The following SECISBP2 variants were observed in gnomAD, a reference collection of about 807,000 sequenced individuals.
The protein encoded by SECISBP2 is selenocysteine insertion sequence-binding protein 2.
In SECISBP2, 96 loss-of-function variants were observed where a neutral mutation model predicts 98.2. The ratio of observed to expected loss-of-function variants is 0.98; its 90% CI spans 0.83 to 1.16. The LOEUF (loss-of-function observed/expected upper bound fraction) is 1.16. Among genes scored for constraint, SECISBP2 ranks in the 50% most tolerant of loss-of-function variants. The probability of loss-of-function intolerance (pLI) is 0.00; values close to 1 mark genes in which losing one functional copy is unlikely to be tolerated. For synonymous variants in SECISBP2, 407 were observed against 370.2 expected (o/e 1.10, Z -1.14); for missense variants, 1,046 against 1,022.9 (o/e 1.02, Z -0.31).
At chr9:89,325,798 T>TA (rs1285962972) in intron 3 of SECISBP2, 99 bp from the exon 4 acceptor site, 7 of 1,590,532 alleles carry the variant, frequency 4.4e-6, no homozygotes, top group South Asian at 3.4e-5. Flanking sequence ...TTTAACCTTT[T>TA]AAAAAATGAT....
At chr9:89,349,991 C>A in intron 13 of SECISBP2, 62 bp downstream of exon 13, 1 of 1,575,472 alleles carries the variant, frequency 6.3e-7, no homozygotes, top group Non-Finnish European at 8.7e-7. Flanking sequence ...TTCAGTATGG[C>A]ATTGATATCT....
In SECISBP2 at chr9:89,325,955, C is replaced by T; in HGVS notation, c.491C>T (p.Ala164Val). The T allele has an allele frequency of 6.2e-7, 1 of 1,613,962 alleles. No homozygotes were observed. The highest frequency in any genetic ancestry group is 1.3e-5 in the African/African-American group (1 of 75,042). The change falls in exon 4 of 17, where the codon GCT becomes GTT. Residue 164 changes from alanine (A) to valine (V), a missense_variant. Ala to Val is a moderately conservative substitution (Grantham distance 64). Coordinates refer to ENST00000375807, the MANE Select transcript of SECISBP2 (RefSeq NM_024077.5). Reference sequence around the variant, plus strand: ...CAGCAAAAGTTTGACAGTGAAAGGGCTGATGGAACTATATCATCTGAGATA... The same window carrying T: ...CAGCAAAAGTTTGACAGTGAAAGGGTTGATGGAACTATATCATCTGAGATA... The part of the protein sequence containing the change: ...YDQQKFDSER[A>V]DGTISSEIKS...
chr9:89,359,211 T>C lies in SECISBP2; in HGVS notation c.*387T>C. 4 of 326,108 alleles carry C rather than the reference T, an allele frequency of 1.2e-5. No individual in the cohort carries two copies. The highest frequency in any genetic ancestry group is 1.0e-4 in the South Asian group (4 of 38,614). 20.2% of individuals were successfully genotyped at this position (326,108 alleles called of 1,614,324 possible). On this transcript the variant is annotated 3_prime_UTR_variant, in exon 17 of 17. Coordinates refer to ENST00000375807, the MANE Select transcript of SECISBP2 (RefSeq NM_024077.5). ...AAGCAGGTGGTGAGCTCCTGCCTGC[T>C]GGAGGTTGCCATGGAGGGCCATTCC...
the SECISBP2 span, chr9:89,367,043 T>C: frequency 0.34 from 51,977 of 152,424 alleles, 9,190 homozygotes; most frequent in Admixed American, 0.44. Context: ...TGCTTACCAC[T>C]GCTAACAGGC....
chr9:89,363,392 T>G, downstream of SECISBP2: 2 of 1,603,886 alleles, frequency 1.2e-6, no homozygotes, highest in South Asian at 1.1e-5. Context: ...TGCCCCTGGC[T>G]CCAGCCCTCC....
downstream of SECISBP2, chr9:89,364,068 C>T: frequency 1.9e-6 from 3 of 1,589,706 alleles, no homozygotes; most frequent in South Asian, 2.3e-5. Flanking sequence ...TGACTTGGGA[C>T]AACTTCCAAT....
In SECISBP2 at chr9:89,325,573, A is replaced by C. The variant is rs754858358; in HGVS notation, c.329A>C (p.Gln110Pro). The C allele has an allele frequency of 1.9e-6, 3 of 1,614,152 alleles. No individual in the cohort carries two copies. In the East Asian group the frequency reaches 6.7e-5, roughly 36 times the overall value. ...AATGTTTACTCAGTGCCTGGCTCCC[A>C]GTATCTTTATAACCAACCCAGTTGT... ...TQNVYSVPGSQYLYNQPSCYR... is the reference protein window; with the variant it reads ...TQNVYSVPGSPYLYNQPSCYR... Residue 110 changes from glutamine to proline, a missense_variant, in exon 3 of 17, where the codon CAG becomes CCG. Coordinates refer to ENST00000375807, the MANE Select transcript of SECISBP2 (RefSeq NM_024077.5).
chr9:89,358,159 C>G lies in SECISBP2; in HGVS notation c.2429C>G (p.Pro810Arg). Residue 810 changes from proline (P) to arginine (R), a missense_variant, in exon 16 of 17, where the codon CCA (proline) becomes CGA (arginine). Pro to Arg is a moderately radical substitution (Grantham distance 103, BLOSUM62 -2). Coordinates refer to ENST00000375807, the MANE Select transcript of SECISBP2 (RefSeq NM_024077.5). ...AGCTGCCCTGCAGAAGATGGCCCCCCAGCCCTGAAAGAAAAAGAAGAGCCA... is the reference window on the plus strand; with the variant it reads ...AGCTGCCCTGCAGAAGATGGCCCCCGAGCCCTGAAAGAAAAAGAAGAGCCA... Reference protein sequence around the residue: ...GPSCPAEDGPPALKEKEEPHY... With the variant: ...GPSCPAEDGPRALKEKEEPHY... 1.2e-6 allele frequency: 2 copies of G among 1,613,586 alleles called. No homozygotes were observed. The highest frequency in any genetic ancestry group is 2.2e-5 in the East Asian group (1 of 44,866).
At chr9:89,342,500 A>G (rs897689347) in intron 10 of SECISBP2, among the ~76,000 whole-genome samples, 5 of 152,240 alleles carry the variant, frequency 3.3e-5, no homozygotes, top group African/African-American at 1.2e-4. Flanking sequence ...TATTCACAAT[A>G]ACCAAACGGT....
chr9:89,363,522 T>TC, downstream of SECISBP2: 1 of 1,614,000 alleles, frequency 6.2e-7, no homozygotes, highest in Non-Finnish European at 8.5e-7. Flanking sequence ...TCCTGGTGGG[T>TC]CACTTCTGGA....
chr9:89,352,000 G>T (rs1163034083), intron 14 of SECISBP2, among the ~76,000 whole-genome samples: 1 of 152,178 alleles, frequency 6.6e-6, no homozygotes, highest in Non-Finnish European at 1.5e-5. Flanking sequence ...TAGCCACACT[G>T]TGGGATATTT....
rs1827190559 is a variant in SECISBP2, at chr9:89,328,649, T to C, written c.575-11T>C. On this transcript the variant is annotated splice_polypyrimidine_tract_variant and intron_variant, in intron 4 of 16. Coordinates refer to ENST00000375807, the MANE Select transcript of SECISBP2 (RefSeq NM_024077.5). ...AAATTTTTACTCTTACTTTTAATTT[T>C]GTAATTACAGATGGTTACCATAAGC... The C allele has an allele frequency of 6.2e-7, 1 of 1,609,206 alleles. No homozygotes were observed. The highest frequency in any genetic ancestry group is 1.3e-5 in the African/African-American group (1 of 74,848).
intron 1 of SECISBP2, 61 bp downstream of exon 1, chr9:89,318,673 G>A (rs1161067404): frequency 3.7e-6 from 5 of 1,353,640 alleles, no homozygotes; most frequent in Admixed American, 3.9e-5. Context: ...CGCACTGGGG[G>A]CTCGGCCGGG....
chr9:89,319,038 AT>A lies in SECISBP2; in HGVS notation c.36+431del, dbSNP rs139802521. ...TGGAGCCCTGGCGATCGCTTGCATC[AT>A]TTTTAGACCCATAAAATTCTCGGTG... is the stretch of plus-strand genomic sequence containing the variant. On this transcript the variant is annotated intron_variant, in intron 1 of 16. Transcript: ENST00000375807. The A allele has an allele frequency of 4.0e-3, 4,029 of 1,017,184 alleles. 122 individuals carry two copies. In the African/African-American group the frequency reaches 0.063, roughly 16 times the overall value. The allele number at this position is 1,017,184 out of a possible 1,614,324, so 63.0% of individuals were successfully genotyped here.
chr9:89,318,845 G>A (rs1424711148), intron 1 of SECISBP2: 18 of 1,275,192 alleles, frequency 1.4e-5, no homozygotes, highest in Non-Finnish European at 1.7e-5. Context: ...TCTGTGGTGC[G>A]ATGTCACCCA....
downstream of SECISBP2, chr9:89,364,205 T>C: frequency 1.5e-6 from 1 of 667,000 alleles, no homozygotes; most frequent in Non-Finnish European, 2.4e-6. Flanking sequence ...CTGTGTGGCC[T>C]GTGTCCCCTA....
chr9:89,345,426 G>C (rs1358095424), intron 10 of SECISBP2, among the ~76,000 whole-genome samples: 1 of 152,210 alleles, frequency 6.6e-6, no homozygotes, highest in East Asian at 1.9e-4. Context: ...TCTGGGAAAA[G>C]CCTCAGACAG....
At chr9:89,318,776 CGGGTCCGCCTT>C in intron 1 of SECISBP2, 164 bp downstream of exon 1, 34 of 1,250,464 alleles carry the variant, frequency 2.7e-5, no homozygotes, top group Non-Finnish European at 3.5e-5. Context: ...CGCCCCGCCT[CGGGTCCGCCTT>C]GGGGTGGCGG....
intron 7 of SECISBP2, among the ~76,000 whole-genome samples, chr9:89,336,182 T>C (rs1052526152): frequency 7.2e-5 from 10 of 138,126 alleles, no homozygotes; most frequent in African/African-American, 2.4e-4. Flanking sequence ...ACTACAGGCA[T>C]GCACCACCAC....
Sources: allele counts gnomAD v4.1 joint callset (sites outside exome capture counted in the v4.1 genomes callset), GRCh38; gene constraint gnomAD v4.1.1; transcripts MANE v1.5; gene names NCBI Gene and HGNC (gene_info 2026-07-23, HGNC 2026-07-21).